Variants in RBKS observed in about 807,000 individuals in gnomAD.
RBKS encodes ribokinase.
In RBKS, 33 loss-of-function variants were observed where a neutral mutation model predicts 33.9. The observed-to-expected ratio is 0.97, with a 90% confidence interval of 0.74 to 1.30. The LOEUF is 1.30. Among genes scored for constraint, RBKS ranks in the 50% most tolerant of loss-of-function variants. The pLI, the probability that RBKS is intolerant of heterozygous loss-of-function variation, is 0.00. For synonymous variants in RBKS, 125 were observed against 143.0 expected (o/e 0.87, Z 0.90); for missense variants, 361 against 392.6 (o/e 0.92, Z 0.68).
At chr2:27,842,256 A>C (rs890990974) in intron 5 of RBKS, among the ~76,000 whole-genome samples, 1 of 152,180 alleles carries the variant, frequency 6.6e-6, no homozygotes, top group African/African-American at 2.4e-5. Context: ...GTGAGAAAAG[A>C]GGAGTGAGTG....
intron 7 of RBKS, among the ~76,000 whole-genome samples, chr2:27,825,623 G>A (rs748919406): frequency 2.0e-5 from 3 of 152,208 alleles, no homozygotes; most frequent in Non-Finnish European, 4.4e-5. Flanking sequence ...GAGACACAGC[G>A]TGGGTAGGGA....
intron 7 of RBKS, among the ~76,000 whole-genome samples, chr2:27,789,143 T>C (rs1677461260): frequency 6.6e-6 from 1 of 152,188 alleles, no homozygotes; most frequent in Admixed American, 6.5e-5. Context: ...GATAACTTGA[T>C]AGAAGAGTCC....
intron 7 of RBKS, among the ~76,000 whole-genome samples, chr2:27,794,131 C>T (rs996439508): frequency 7.2e-5 from 11 of 151,766 alleles, no homozygotes; most frequent in African/African-American, 2.7e-4. Context: ...GAAACCCCAT[C>T]TCTACCAAAT....
chr2:27,884,023 G>A (rs1194481576), intron 1 of RBKS, among the ~76,000 whole-genome samples: 1 of 152,286 alleles, frequency 6.6e-6, no homozygotes, highest in East Asian at 1.9e-4. Flanking sequence ...AATTTAAGAA[G>A]CAGAAAGAAT....
chr2:27,862,003 T>TG (rs1663999493), intron 1 of RBKS, among the ~76,000 whole-genome samples: 1 of 138,662 alleles, frequency 7.2e-6, no homozygotes, highest in Admixed American at 7.9e-5. Flanking sequence ...GAGGCTGGAG[T>TG]GGAACACAAA....
chr2:27,833,755 G>GAT (rs962792569), intron 5 of RBKS, among the ~76,000 whole-genome samples: 138 of 152,176 alleles, frequency 9.1e-4, no homozygotes, highest in African/African-American at 3.1e-3. Context: ...CGTAAATGTA[G>GAT]ATATATATAT....
chr2:27,851,998 C>T (rs1016741663), intron 2 of RBKS, among the ~76,000 whole-genome samples: 6 of 152,124 alleles, frequency 3.9e-5, no homozygotes, highest in South Asian at 2.1e-4. Context: ...CTTGGAAACC[C>T]GCATAGTCTG....
intron 1 of RBKS, among the ~76,000 whole-genome samples, chr2:27,864,054 T>A (rs1573071653): frequency 6.6e-6 from 1 of 152,252 alleles, no homozygotes; most frequent in East Asian, 1.9e-4. Flanking sequence ...AGAGACAGGG[T>A]CTTGCTCTGT....
At chr2:27,876,771 C>T (rs1664323493) in intron 1 of RBKS, among the ~76,000 whole-genome samples, 1 of 151,916 alleles carries the variant, frequency 6.6e-6, no homozygotes. Context: ...TGTGGATGTA[C>T]TTAATGCCAA....
intron 1 of RBKS, among the ~76,000 whole-genome samples, chr2:27,888,273 G>A (rs566649898): frequency 3.9e-4 from 59 of 152,060 alleles, no homozygotes; most frequent in South Asian, 1.2e-3. Context: ...AATCACAGGC[G>A]CCAGCTACCA....
intron 2 of RBKS, among the ~76,000 whole-genome samples, chr2:27,854,648 A>T (rs980002981): frequency 6.6e-6 from 1 of 152,222 alleles, no homozygotes; most frequent in Admixed American, 6.5e-5. Flanking sequence ...CATATAATTT[A>T]AAGTACATGT....
At chr2:27,801,949 G>GAAAAAAAAAAAAAA (rs1397935633) in intron 7 of RBKS, among the ~76,000 whole-genome samples, 2 of 54,758 alleles carry the variant, frequency 3.7e-5, no homozygotes, top group Admixed American at 2.5e-4. Context: ...GAGTAGCTGG[G>GAAAAAAAAAAAAAA]GAAAAAAAAA....
At chr2:27,798,162 TAAAC>T (rs1414413787) in intron 7 of RBKS, among the ~76,000 whole-genome samples, 1 of 152,084 alleles carries the variant, frequency 6.6e-6, no homozygotes, top group Non-Finnish European at 1.5e-5. Flanking sequence ...AAGTCCTAGA[TAAAC>T]AGACATGGAG....
In RBKS at chr2:27,880,892, C is replaced by A. The variant is rs914604051; in HGVS notation, c.89+9365G>T. On this transcript the variant is annotated intron_variant, in intron 1 of 7. Coordinates refer to ENST00000302188, the MANE Select transcript of RBKS (RefSeq NM_022128.3). ...ATTCTTATTAAGCTACCATGACATT[C>A]ATCACAGAACTAGAAAAAAGTATTT... 2.0e-5 allele frequency among the ~76,000 whole-genome samples: 3 copies of A among 152,074 alleles called. No individual in the cohort carries two copies. The South Asian group carries it at 6.2e-4, about 31-fold the overall frequency.
intron 5 of RBKS, among the ~76,000 whole-genome samples, chr2:27,840,711 A>G (rs1663476378): frequency 6.6e-6 from 1 of 152,134 alleles, no homozygotes; most frequent in South Asian, 2.1e-4. Context: ...GTTGGAATCA[A>G]TGGGTTGTGG....
chr2:27,843,572 G>C (rs967402919), intron 4 of RBKS, among the ~76,000 whole-genome samples: 1 of 152,084 alleles, frequency 6.6e-6, no homozygotes, highest in Non-Finnish European at 1.5e-5. Context: ...TGCGGTAAAG[G>C]TTCTGAATCC....
chr2:27,847,103 T>C lies in RBKS; in HGVS notation c.288A>G (p.Glu96=). 1 of 1,589,086 alleles carries C rather than the reference T, an allele frequency of 6.3e-7. No homozygotes were observed. Among genetic ancestry groups the C allele is most frequent in the Non-Finnish European group, 8.6e-7 (1 of 1,158,400 alleles). The change falls in exon 4 of 8, where the codon GAA becomes GAG. Residue 96 remains glutamate (E), a splice_region_variant and synonymous_variant. Coordinates refer to ENST00000302188, the MANE Select transcript of RBKS (RefSeq NM_022128.3). ...ENLKQNDIST[E]FTYQTKDAAT... is the part of the protein sequence containing the mutation. ...CAGCATCTTTAGTCTGATATGTAAATTCTGAAAGAAAAAAGAAAATTACAA... is the reference window on the plus strand; with the variant it reads ...CAGCATCTTTAGTCTGATATGTAAACTCTGAAAGAAAAAAGAAAATTACAA...
rs771593180 is a variant in RBKS, at chr2:27,809,971, T to G, written c.795+17596A>C. On this transcript the variant is annotated intron_variant, in intron 7 of 7. Transcript: ENST00000302188. ...GTAGGCAGTTGCTGTTATAAAAGGA[T>G]TCTCTGGGTTATTTATAATGTTTCT... The G allele has an allele frequency of 5.4e-6, 7 of 1,304,240 alleles. No homozygotes were observed. The South Asian group carries it at 8.6e-5, about 16-fold the overall frequency. 80.8% of individuals were successfully genotyped at this position (1,304,240 alleles called of 1,614,324 possible).
intron 2 of RBKS, 145 bp downstream of exon 2, chr2:27,858,294 G>A: frequency 1.4e-5 from 9 of 664,818 alleles, no homozygotes; most frequent in Admixed American, 3.3e-5. Context: ...AGAAGTGGTG[G>A]TTGAATGTAT....
Sources: gnomAD v4.1 joint callset for allele counts (sites outside exome capture counted in the v4.1 genomes callset) on GRCh38, gnomAD v4.1.1 for gene constraint, MANE v1.5 for transcripts, NCBI Gene and HGNC (gene_info 2026-07-23, HGNC 2026-07-21) for gene names.